PRKAG2: variants seen among roughly 807,000 people sequenced by gnomAD.
PRKAG2 encodes the protein protein kinase AMP-activated non-catalytic subunit gamma 2.
Under a neutral mutation model 69.6 loss-of-function variants are expected in PRKAG2, and 26 were observed. The ratio of observed to expected loss-of-function variants is 0.37; its 90% CI spans 0.27 to 0.52. The LOEUF is 0.52. Ranked by LOEUF, PRKAG2 falls within the 20% of genes least tolerant of loss-of-function variation. The probability of loss-of-function intolerance (pLI) is 0.90; values close to 1 mark genes in which losing one functional copy is unlikely to be tolerated. For synonymous variants in PRKAG2, 293 were observed against 285.0 expected, an observed-to-expected ratio of 1.03 and a Z score of -0.28; for missense variants, 557 against 740.0, an observed-to-expected ratio of 0.75 and a Z score of 2.87.
chr7:151,642,069 C>T (rs896354061), intron 4 of PRKAG2, among the ~76,000 whole-genome samples: 3 of 147,468 alleles, frequency 2.0e-5, no homozygotes, highest in African/African-American at 7.5e-5. Flanking sequence ...GGCGTGGTGG[C>T]TCACACCTAT....
chr7:151,608,997 G>A (rs542309827), intron 5 of PRKAG2, among the ~76,000 whole-genome samples: 3 of 152,134 alleles, frequency 2.0e-5, no homozygotes, highest in Non-Finnish European at 2.9e-5. Flanking sequence ...ACATAGCTGG[G>A]ACTATAGGCA....
At position 151,836,666 on chromosome 7, in the gene PRKAG2, G is replaced by A. The variant is rs1363444201; in HGVS notation, c.114+39841C>T. 6.6e-6 allele frequency among the ~76,000 whole-genome samples: 1 copy of A among 152,168 alleles called. No individual in the cohort carries two copies. Among genetic ancestry groups the A allele is most frequent in the East Asian group, 1.9e-4 (1 of 5,186 alleles). The stretch of plus-strand genomic sequence containing the variant: ...TCCTGTCTGGGTGCAGCCTTAGCGG[G>A]GCACAGGAGGGCGTGTATGCGGGTC... On this transcript the variant is annotated intron_variant, in intron 1 of 15. Transcript: ENST00000287878. This position sits in a 1 kb window ranked among gnomAD's most constrained non-coding sequence, Gnocchi z 4.1.
intron 1 of PRKAG2, among the ~76,000 whole-genome samples, chr7:151,846,393 G>A (rs184903686): frequency 8.5e-5 from 13 of 152,110 alleles, no homozygotes; most frequent in Non-Finnish European, 1.0e-4. Context: ...ACTTGAAACC[G>A]GTAGGCAGAG....
Position 151,729,129 on chromosome 7 carries a change from T to TGACACGC in PRKAG2, c.466+52022_466+52023insGCGTGTC, listed in dbSNP as rs1408897869. On this transcript the variant is annotated intron_variant, in intron 3 of 15. Transcript: ENST00000287878. ...ACGTAGGGAGAACAGGCAGATGGGT[T>TGACACGC]ATGAGCTTTTCCAGGCATGGATGAG... Among the ~76,000 whole-genome samples the TGACACGC allele has an allele frequency of 1.9e-4, 28 of 147,740 alleles. 1 individual carries two copies. The South Asian group carries it at 6.2e-3, about 33-fold the overall frequency.
intron 15 of PRKAG2, chr7:151,558,093 A>G: frequency 1.0e-6 from 1 of 985,372 alleles, no homozygotes; most frequent in Non-Finnish European, 1.2e-6. Context: ...GAAACACCGT[A>G]GCTCCTGGCA....
In PRKAG2 at chr7:151,850,562, C is replaced by T. The variant is rs1239429007; in HGVS notation, c.114+25945G>A. Among the ~76,000 whole-genome samples, 4 of 152,208 alleles carry T rather than the reference C, an allele frequency of 2.6e-5. No individual in the cohort carries two copies. Among genetic ancestry groups the T allele is most frequent in the African/African-American group, 9.7e-5 (4 of 41,440 alleles). On this transcript the variant is annotated intron_variant, in intron 1 of 15. Coordinates refer to ENST00000287878, the MANE Select transcript of PRKAG2 (RefSeq NM_016203.4). This position sits in a 1 kb window ranked among gnomAD's most constrained non-coding sequence, Gnocchi z 4.1. The stretch of plus-strand genomic sequence containing the variant: ...AAAGCAGCCCAAGCTCACACTCAGC[C>T]AAGGAGCCCCGAGCCTGGATTGGAA...
intron 1 of PRKAG2, among the ~76,000 whole-genome samples, chr7:151,863,903 CAAAA>C (rs60123822): frequency 2.8e-5 from 4 of 143,912 alleles, no homozygotes; most frequent in African/African-American, 5.1e-5. Flanking sequence ...AACCCTGTCT[CAAAA>C]AAAAAAAAAA....
chr7:151,637,896 C>T (rs1473917195), intron 4 of PRKAG2, among the ~76,000 whole-genome samples: 2 of 152,072 alleles, frequency 1.3e-5, no homozygotes, highest in African/African-American at 4.8e-5. Context: ...AGACTTATGC[C>T]AGACTTAATT....
intron 1 of PRKAG2, among the ~76,000 whole-genome samples, chr7:151,834,744 G>A (rs184192369): frequency 6.2e-4 from 94 of 152,318 alleles, no homozygotes; most frequent in African/African-American, 2.1e-3. Context: ...GGGCTACGGC[G>A]CAGTGCCGCC....
At chr7:151,762,655 G>A (rs1274842065) in intron 3 of PRKAG2, among the ~76,000 whole-genome samples, 1 of 152,180 alleles carries the variant, frequency 6.6e-6, no homozygotes, top group Non-Finnish European at 1.5e-5. Context: ...TGAGCTGTGT[G>A]CCGTAGAACA....
intron 6 of PRKAG2, among the ~76,000 whole-genome samples, chr7:151,589,022 G>C (rs2151101493): frequency 6.6e-6 from 1 of 152,276 alleles, no homozygotes; most frequent in East Asian, 1.9e-4. Context: ...GGACTTTGCA[G>C]ACCCTGTTTC....
intron 6 of PRKAG2, among the ~76,000 whole-genome samples, chr7:151,593,574 T>C (rs1813749326): frequency 2.0e-5 from 3 of 152,124 alleles, no homozygotes; most frequent in South Asian, 4.1e-4. Flanking sequence ...TTCTGGGGGA[T>C]GGGCGTGAGG....
At chr7:151,558,539 G>A in intron 15 of PRKAG2, 9 of 936,894 alleles carry the variant, frequency 9.6e-6, no homozygotes, top group African/African-American at 1.8e-5. Flanking sequence ...GGGACAGCTG[G>A]GACTTGGCCT....
intron 5 of PRKAG2, among the ~76,000 whole-genome samples, chr7:151,622,914 C>T (rs1384761811): frequency 6.6e-6 from 1 of 151,994 alleles, no homozygotes; most frequent in Admixed American, 6.6e-5. Flanking sequence ...TCTAATGCAG[C>T]GGTCCCCATA....
chr7:151,865,257 G>T (rs915579078), intron 1 of PRKAG2, among the ~76,000 whole-genome samples: 2 of 152,206 alleles, frequency 1.3e-5, no homozygotes, highest in African/African-American at 4.8e-5. Flanking sequence ...TTGTCCCCGC[G>T]GCTCGGCTGG....
intron 3 of PRKAG2, among the ~76,000 whole-genome samples, chr7:151,769,554 G>A (rs1342069845): frequency 1.3e-5 from 2 of 152,226 alleles, no homozygotes; most frequent in Admixed American, 6.5e-5. Context: ...GGGAGGCCTG[G>A]AACAGAGCCC....
chr7:151,723,902 A>C (rs2151650452), intron 3 of PRKAG2, among the ~76,000 whole-genome samples: 1 of 152,284 alleles, frequency 6.6e-6, no homozygotes, highest in South Asian at 2.1e-4. Context: ...CCGCCCGTGA[A>C]GCCTGAAGCA....
Position 151,780,026 on chromosome 7 carries a change from C to T in PRKAG2, c.466+1126G>A, listed in dbSNP as rs2076588134. 6.6e-6 allele frequency among the ~76,000 whole-genome samples: 1 copy of T among 151,936 alleles called. No homozygotes were observed. Among genetic ancestry groups the T allele is most frequent in the Non-Finnish European group, 1.5e-5 (1 of 67,960 alleles). On this transcript the variant is annotated intron_variant, in intron 3 of 15. Transcript: ENST00000287878. The surrounding 1 kb of genome is among the most constrained non-coding windows in gnomAD (Gnocchi z 4.2). ...TGTAGAGCATGGTCAGGACCTGCCC[C>T]CCACAACACACACACAACCCACAGG...
At chr7:151,618,142 T>A (rs1820610052) in intron 5 of PRKAG2, among the ~76,000 whole-genome samples, 1 of 151,960 alleles carries the variant, frequency 6.6e-6, no homozygotes, top group African/African-American at 2.4e-5. Context: ...GGCAACACAG[T>A]AAAACCTCAT....
Sources: allele counts gnomAD v4.1 joint callset (sites outside exome capture counted in the v4.1 genomes callset), GRCh38; gene constraint gnomAD v4.1.1; non-coding constraint Gnocchi (gnomAD v3.1); transcripts MANE v1.5; gene names NCBI Gene and HGNC (gene_info 2026-07-23, HGNC 2026-07-21).